Variants in PLB1 observed in about 807,000 individuals in gnomAD.
PLB1 encodes phospholipase B1.
PLB1 carries 242 observed loss-of-function variants against 227.4 expected under a neutral mutation model. The ratio of observed to expected loss-of-function variants is 1.06; its 90% confidence interval spans 0.96 to 1.18. The LOEUF (loss-of-function observed/expected upper bound fraction) is 1.18, where lower values mean the gene tolerates loss of function less well. Among genes scored for constraint, PLB1 ranks in the 50% most tolerant of loss-of-function variants. PLB1 has a pLI of 0.00. For missense variants in PLB1, 1,858 were observed against 1,816.3 expected, an observed-to-expected ratio of 1.02 and a Z score of -0.42; for synonymous variants, 757 against 682.2, an observed-to-expected ratio of 1.11 and a Z score of -1.71.
intron 41 of PLB1, among the ~76,000 whole-genome samples, 163 bp from the exon 42 acceptor site, chr2:28,605,690 G>A (rs1461567574): frequency 1.3e-5 from 2 of 152,174 alleles, no homozygotes; most frequent in South Asian, 2.1e-4. Flanking sequence ...TTGTGGGATC[G>A]CTCTGATCTC....
chr2:28,507,878 A>G (rs745696183), intron 1 of PLB1, among the ~76,000 whole-genome samples: 1 of 152,078 alleles, frequency 6.6e-6, no homozygotes, highest in East Asian at 1.9e-4. Context: ...GTATTTAATT[A>G]TGGTTTGAGA....
intron 1 of PLB1, among the ~76,000 whole-genome samples, chr2:28,501,127 A>G (rs1275581232): frequency 6.6e-6 from 1 of 152,224 alleles, no homozygotes; most frequent in Non-Finnish European, 1.5e-5. Flanking sequence ...TTTTAAAAAC[A>G]TCCAATAAAT....
intron 15 of PLB1, among the ~76,000 whole-genome samples, chr2:28,549,412 C>CTTTCTTT (rs1204734649): frequency 2.3e-5 from 2 of 87,302 alleles, no homozygotes; most frequent in African/African-American, 4.6e-5. Context: ...GAGATTCTTT[C>CTTTCTTT]TTTTTTTTTT....
chr2:28,630,745 A>ATT (rs1245490521), intron 54 of PLB1, 81 bp downstream of exon 54: 3 of 1,219,000 alleles, frequency 2.5e-6, no homozygotes, highest in Non-Finnish European at 3.5e-6. Context: ...AATGCCCAGC[A>ATT]GGATGTGGCC....
chr2:28,614,202 C>T, intron 44 of PLB1, 106 bp downstream of exon 44: 18 of 1,081,590 alleles, frequency 1.7e-5, no homozygotes, highest in Middle Eastern at 2.0e-4. Context: ...CAGAAATGTA[C>T]TTCTTACATA....
intron 1 of PLB1, among the ~76,000 whole-genome samples, chr2:28,501,455 C>T (rs1210454360): frequency 1.3e-5 from 2 of 152,064 alleles, no homozygotes; most frequent in African/African-American, 4.8e-5. Flanking sequence ...ATTATATAAC[C>T]TAGTGGCATA....
intron 1 of PLB1, among the ~76,000 whole-genome samples, chr2:28,502,030 T>C (rs970481933): frequency 3.3e-5 from 5 of 152,192 alleles, no homozygotes; most frequent in African/African-American, 4.8e-5. Context: ...AACACACATA[T>C]AGATTTGTTA....
In PLB1 at chr2:28,605,651, TG is replaced by T. The variant is rs1298037236; in HGVS notation, c.2962-197del. Among the ~76,000 whole-genome samples the T allele has an allele frequency of 2.0e-5, 3 of 152,164 alleles. No individual in the cohort carries two copies. In the East Asian group the frequency reaches 5.8e-4, roughly 29 times the overall value. ...CACTTGTAGGGTCAAAAAGGAAGGT[TG>T]GGGGTTGGCGTCACCCAAAACTATT... On this transcript the variant is annotated intron_variant, in intron 41 of 57. Coordinates refer to ENST00000327757, the MANE Select transcript of PLB1 (RefSeq NM_153021.5).
chr2:28,597,910 T>C lies in PLB1; in HGVS notation c.2322-95T>C, dbSNP rs957726537. ...CCATCTCAAAGGTGCCGATGGGCAC[T>C]AAGAAGGGTGGGGGCTGCTCTTGTG... On this transcript the variant is annotated intron_variant, in intron 33 of 57. Coordinates refer to ENST00000327757, the MANE Select transcript of PLB1 (RefSeq NM_153021.5). 1.4e-5 allele frequency: 17 copies of C among 1,247,944 alleles called. No homozygotes were observed. The African/African-American group carries it at 1.8e-4, about 13-fold the overall frequency. 77.3% of individuals were successfully genotyped at this position (1,247,944 alleles called of 1,614,324 possible).
At chr2:28,625,721 G>C (rs1263545029) in intron 50 of PLB1, among the ~76,000 whole-genome samples, 1 of 152,132 alleles carries the variant, frequency 6.6e-6, no homozygotes, top group African/African-American at 2.4e-5. Flanking sequence ...GCTTCTAGCT[G>C]CATCCTTTGC....
At chr2:28,581,493 ATAAATAAATAAAT>A (rs1679967297) in intron 23 of PLB1, among the ~76,000 whole-genome samples, 1 of 66,566 alleles carries the variant, frequency 1.5e-5, no homozygotes, top group Non-Finnish European at 3.3e-5. Flanking sequence ...AAAAAAATAA[ATAAATAAATAAAT>A]AAATAAATAA....
intron 6 of PLB1, 149 bp from the exon 7 acceptor site, chr2:28,529,168 C>T: frequency 1.6e-6 from 1 of 613,654 alleles, no homozygotes; most frequent in Non-Finnish European, 2.9e-6. Context: ...TGGTCTCAAA[C>T]TCTTGGGCTC....
At chr2:28,560,380 C>T (rs1021780471) in intron 17 of PLB1, among the ~76,000 whole-genome samples, 3 of 151,976 alleles carry the variant, frequency 2.0e-5, no homozygotes, top group Non-Finnish European at 4.4e-5. Flanking sequence ...AGGGGTGGTC[C>T]CCCAAATACA....
Position 28,618,367 on chromosome 2 carries a change from A to G in PLB1, c.3283A>G (p.Lys1095Glu), listed in dbSNP as rs1156877181. Residue 1095 changes from lysine to glutamate, a missense_variant, in exon 46 of 58, where the codon AAA becomes GAA. Coordinates refer to ENST00000327757, the MANE Select transcript of PLB1 (RefSeq NM_153021.5). ...SVHQLRPADI[K>E]VVAALGDSLT... ...CCACCAGCTCCGACCAGCAGACATCAAAGTGGTGGCCGCCCTGGGTGACTC... is the reference window on the plus strand; with the variant it reads ...CCACCAGCTCCGACCAGCAGACATCGAAGTGGTGGCCGCCCTGGGTGACTC... The G allele has an allele frequency of 2.5e-6, 4 of 1,614,126 alleles. No homozygotes were observed. The highest frequency in any genetic ancestry group is 3.4e-6 in the Non-Finnish European group (4 of 1,180,008).
intron 33 of PLB1, among the ~76,000 whole-genome samples, chr2:28,597,181 A>C (rs539800954): frequency 6.6e-6 from 1 of 150,980 alleles, no homozygotes; most frequent in Admixed American, 6.6e-5. Context: ...GGAGAATGGC[A>C]TGAACCCGGG....
At position 28,620,655 on chromosome 2, in the gene PLB1, C is replaced by G. The variant is rs1686912692; in HGVS notation, c.3427+12C>G. 1 of 1,613,664 alleles carries G rather than the reference C, an allele frequency of 6.2e-7. No individual in the cohort carries two copies. The highest frequency in any genetic ancestry group is 1.3e-5 in the African/African-American group (1 of 74,866). On this transcript the variant is annotated intron_variant, in intron 48 of 57. Coordinates refer to ENST00000327757, the MANE Select transcript of PLB1 (RefSeq NM_153021.5). ...CACCACACTGCCCAGTAAGTAGCAG[C>G]CCAGAGAGGCACCATCACTGTGGCC...
chr2:28,510,248 C>G (rs190134316), intron 1 of PLB1, among the ~76,000 whole-genome samples: 1 of 152,290 alleles, frequency 6.6e-6, no homozygotes, highest in East Asian at 1.9e-4. Context: ...ATCAACCTCA[C>G]CTTATAGGTG....
intron 1 of PLB1, among the ~76,000 whole-genome samples, chr2:28,504,820 C>A (rs1232219261): frequency 6.6e-6 from 1 of 152,288 alleles, no homozygotes; most frequent in East Asian, 1.9e-4. Context: ...TATCCAAAGT[C>A]TTTGTGATCT....
At position 28,600,700 on chromosome 2, in the gene PLB1, A is replaced by T. The variant is rs569279601; in HGVS notation, c.2475-109A>T. ...GTTTCTGAGCCTCGGGATCTCTGCCAGCTCATGCAGTGGGGATGATACTGT... is the reference window on the plus strand; with the variant it reads ...GTTTCTGAGCCTCGGGATCTCTGCCTGCTCATGCAGTGGGGATGATACTGT... On this transcript the variant is annotated intron_variant, in intron 35 of 57. Transcript: ENST00000327757. The T allele has an allele frequency of 7.1e-6, 7 of 982,524 alleles. No individual in the cohort carries two copies. The African/African-American group carries it at 8.2e-5, about 11-fold the overall frequency. 60.9% of individuals were successfully genotyped at this position (982,524 alleles called of 1,614,324 possible).
Sources: allele counts gnomAD v4.1 joint callset (sites outside exome capture counted in the v4.1 genomes callset), GRCh38; gene constraint gnomAD v4.1.1; transcripts MANE v1.5; gene names NCBI Gene and HGNC (gene_info 2026-07-23, HGNC 2026-07-21).